The following MUC22 variants were observed in gnomAD, a reference collection of about 807,000 sequenced individuals.
MUC22 encodes mucin-22.
A neutral mutation model predicts 40.3 loss-of-function variants in MUC22; 24 were observed. The ratio of observed to expected loss-of-function variants is 0.60; its 90% CI spans 0.43 to 0.84. The LOEUF (loss-of-function observed/expected upper bound fraction) is 0.84. Among genes scored for constraint, MUC22 ranks in the 40% least tolerant of loss-of-function variants. The probability of loss-of-function intolerance (pLI) is 0.00; values close to 1 mark genes in which losing one functional copy is unlikely to be tolerated. For missense variants in MUC22, 1,926 were observed against 2,130.7 expected, an observed-to-expected ratio of 0.90 and a Z score of 1.89; for synonymous variants, 765 against 844.5, an observed-to-expected ratio of 0.91 and a Z score of 1.63.
intron 1 of MUC22, among the ~76,000 whole-genome samples, chr6:31,022,554 AAAAT>A (rs1446489427): frequency 6.8e-6 from 1 of 146,166 alleles, no homozygotes; most frequent in African/African-American, 2.6e-5. Flanking sequence ...TATATGGGTA[AAAAT>A]AAAATTTTTT....
chr6:31,029,185 G>A (rs1275108145), exon 2 of MUC22: 1 of 1,534,750 alleles, frequency 6.5e-7, no homozygotes, highest in Non-Finnish European at 8.7e-7. Flanking sequence ...CTCTATTGAA[G>A]GCTCTGAGAC....
chr6:31,022,416 C>T (rs1342060796), intron 1 of MUC22, among the ~76,000 whole-genome samples: 1 of 152,010 alleles, frequency 6.6e-6, no homozygotes, highest in Non-Finnish European at 1.5e-5. Flanking sequence ...CTCTGCTTCC[C>T]AAAATGCTGG....
exon 2 of MUC22, chr6:31,030,073 C>A: frequency 6.5e-7 from 1 of 1,533,448 alleles, no homozygotes; most frequent in Non-Finnish European, 8.7e-7. Flanking sequence ...CGTTTCTATC[C>A]AGCCCATCAC....
intron 2 of MUC22, among the ~76,000 whole-genome samples, chr6:31,031,927 C>T (rs549695058): frequency 2.0e-5 from 3 of 152,132 alleles, no homozygotes; most frequent in Non-Finnish European, 4.4e-5. Context: ...GAACCCATCG[C>T]GATAACGTTT....
intron 2 of MUC22, among the ~76,000 whole-genome samples, chr6:31,030,741 C>T (rs1024355843): frequency 9.2e-5 from 14 of 152,214 alleles, no homozygotes; most frequent in Non-Finnish European, 1.5e-4. Context: ...AGTAGATTAT[C>T]TCTATTCAAC....
chr6:31,006,719 G>A (rs2523918), upstream of MUC22, among the ~76,000 whole-genome samples: 22,486 of 152,060 alleles, frequency 0.15, 1,747 homozygotes, highest in Admixed American at 0.2. Flanking sequence ...TATGTTACTG[G>A]TATTTAATAT....
exon 2 of MUC22, chr6:31,027,086 G>A (rs1174638479): frequency 4.0e-6 from 6 of 1,494,884 alleles, no homozygotes; most frequent in Non-Finnish European, 5.4e-6. Flanking sequence ...TCCACCATGG[G>A]CTCTGAGACC....
chr6:31,026,233 A>C (rs201637070), exon 2 of MUC22: 1 of 1,528,584 alleles, frequency 6.5e-7, no homozygotes, highest in South Asian at 1.2e-5. Flanking sequence ...CTCTAACACC[A>C]CCACAGCCTC....
At chr6:31,012,384 C>T (rs1480674641) in intron 1 of MUC22, among the ~76,000 whole-genome samples, 5 of 152,172 alleles carry the variant, frequency 3.3e-5, no homozygotes, top group Non-Finnish European at 7.3e-5. Context: ...TCTCTACCTA[C>T]CCATGCCTTC....
intron 3 of MUC22, among the ~76,000 whole-genome samples, chr6:31,033,840 A>T (rs1562627608): frequency 6.6e-6 from 1 of 152,262 alleles, no homozygotes; most frequent in Non-Finnish European, 1.5e-5. Flanking sequence ...AATGAAAAAT[A>T]CGGAAGTCAC....
chr6:31,011,694 G>A lies in MUC22; in HGVS notation c.70+918G>A, dbSNP rs1763878024. ...TGTATAATGACTTCTTTTCCTCTGG[G>A]TAGATACCCAGTAGTGGGATTACTG... is the stretch of plus-strand genomic sequence containing the variant. On this transcript the variant is annotated intron_variant, in intron 1 of 3. Coordinates refer to ENST00000561890, the Ensembl canonical transcript of MUC22. This position sits in a 1 kb window ranked among gnomAD's most constrained non-coding sequence, Gnocchi z 4.5. Among the ~76,000 whole-genome samples the A allele has an allele frequency of 6.6e-6, 1 of 152,142 alleles. No individual in the cohort carries two copies. Among genetic ancestry groups the A allele is most frequent in the South Asian group, 2.1e-4 (1 of 4,824 alleles).
intron 1 of MUC22, among the ~76,000 whole-genome samples, chr6:31,017,544 G>T (rs1174038189): frequency 6.6e-6 from 1 of 152,170 alleles, no homozygotes; most frequent in Non-Finnish European, 1.5e-5. Flanking sequence ...CTAGCTAAGG[G>T]ATTGTAAATA....
chr6:31,016,768 C>T (rs28360982), intron 1 of MUC22, among the ~76,000 whole-genome samples: 9,233 of 152,296 alleles, frequency 0.061, 347 homozygotes, highest in South Asian at 0.12. Context: ...GAGCCAGCTC[C>T]CTCAGCTTTC....
At chr6:31,023,122 G>A (rs892198101) in intron 1 of MUC22, among the ~76,000 whole-genome samples, 2 of 148,334 alleles carry the variant, frequency 1.3e-5, no homozygotes, top group Non-Finnish European at 3.0e-5. Flanking sequence ...AGATCAAGAC[G>A]CTCAAAAAAC....
At chr6:31,010,818 C>T (rs528573547) in intron 1 of MUC22, 42 bp downstream of exon 1, 1 of 701,962 alleles carries the variant, frequency 1.4e-6, no homozygotes, top group African/African-American at 1.7e-5. Context: ...GGCATGGAGG[C>T]CACATAAGCC....
intron 1 of MUC22, among the ~76,000 whole-genome samples, chr6:31,022,515 AAAG>A (rs1242705630): frequency 6.6e-6 from 1 of 152,220 alleles, no homozygotes; most frequent in African/African-American, 2.4e-5. Context: ...TCTATGCAAA[AAAG>A]AATGAAGTGT....
chr6:31,028,294 A>C, exon 2 of MUC22: 1 of 1,534,856 alleles, frequency 6.5e-7, no homozygotes, highest in Non-Finnish European at 8.7e-7. Context: ...CTCTGAGACC[A>C]CTAAAGTTTC....
Position 31,029,453 on chromosome 6 carries a change from C to A in MUC22, c.4022C>A (p.Ser1341Ter). ...TTGGAGACCACCACAGTCTCCACCT[C>A]AGGCTCTGGGACCACCACAGCCTCT... Residue 1341 changes from serine to a stop codon, truncating the protein, a stop_gained, in exon 2 of 4, where the codon TCA (serine) becomes TAA (stop). Transcript: ENST00000561890. LOFTEE classifies it high-confidence loss of function. The A allele has an allele frequency of 6.5e-7, 1 of 1,534,290 alleles. No individual in the cohort carries two copies. Among genetic ancestry groups the A allele is most frequent in the Non-Finnish European group, 8.7e-7 (1 of 1,146,388 alleles).
At chr6:31,012,648 A>G (rs1157754646) in intron 1 of MUC22, among the ~76,000 whole-genome samples, 1 of 152,216 alleles carries the variant, frequency 6.6e-6, no homozygotes, top group Non-Finnish European at 1.5e-5. Context: ...ATTTCCTAAC[A>G]AAAGGGAGCA....
Sources: allele counts gnomAD v4.1 joint callset (sites outside exome capture counted in the v4.1 genomes callset), GRCh38; gene constraint gnomAD v4.1.1; non-coding constraint Gnocchi (gnomAD v3.1); transcripts MANE v1.5; gene names NCBI Gene and HGNC (gene_info 2026-07-23, HGNC 2026-07-21).